The following TTC28 variants were observed in gnomAD, a reference collection of about 807,000 sequenced individuals.
The protein encoded by TTC28 is tetratricopeptide repeat protein 28.
TTC28 carries 61 observed loss-of-function variants against 198.0 expected under a neutral mutation model. The observed-to-expected ratio is 0.31, with a 90% CI of 0.25 to 0.38. TTC28 has a LOEUF of 0.38. Ranked by LOEUF, TTC28 falls within the 10% of genes least tolerant of loss-of-function variation. The probability of loss-of-function intolerance (pLI) is 1.00; values close to 1 mark genes in which losing one functional copy is unlikely to be tolerated. For missense variants in TTC28, 2,678 were observed against 3,164.0 expected, an observed-to-expected ratio of 0.85 and a Z score of 3.69; for synonymous variants, 1,171 against 1,297.8, an observed-to-expected ratio of 0.90 and a Z score of 2.10.
chr22:28,293,616 T>C (rs1338510872), intron 5 of TTC28, among the ~76,000 whole-genome samples: 1 of 152,088 alleles, frequency 6.6e-6, no homozygotes, highest in East Asian at 1.9e-4. Flanking sequence ...AGATTAGATA[T>C]GAAATGTTCC....
intron 2 of TTC28, among the ~76,000 whole-genome samples, chr22:28,484,269 G>A (rs1299704727): frequency 1.3e-5 from 2 of 151,980 alleles, no homozygotes; most frequent in Non-Finnish European, 2.9e-5. Flanking sequence ...TACCATGCCA[G>A]GCTAATTTTT....
At position 28,091,664 on chromosome 22, in the gene TTC28, G is replaced by A. The variant is rs192072611; in HGVS notation, c.3932+2416C>T. 3.8e-4 allele frequency among the ~76,000 whole-genome samples: 58 copies of A among 152,198 alleles called. 2 individuals carry two copies. The East Asian group carries it at 9.7e-3, about 25-fold the overall frequency. The stretch of plus-strand genomic sequence containing the variant: ...ACCCCATGGTGGACATGGGGTCACC[G>A]TGCTCTCTTAGATCCCTGCTGTCCC... On this transcript the variant is annotated intron_variant, in intron 12 of 22. Transcript: ENST00000397906.
intron 2 of TTC28, among the ~76,000 whole-genome samples, chr22:28,615,990 GA>G (rs1209290460): frequency 6.6e-6 from 1 of 152,048 alleles, no homozygotes; most frequent in Non-Finnish European, 1.5e-5. Flanking sequence ...TTGAATTAGA[GA>G]AAAAAATCAG....
chr22:28,190,941 A>G (rs536923157), intron 5 of TTC28, among the ~76,000 whole-genome samples: 1 of 152,196 alleles, frequency 6.6e-6, no homozygotes, highest in African/African-American at 2.4e-5. Flanking sequence ...TTCCTAAACT[A>G]TAGCTCTGAC....
intron 14 of TTC28, among the ~76,000 whole-genome samples, chr22:28,004,747 A>G (rs966765213): frequency 1.3e-5 from 2 of 152,238 alleles, no homozygotes; most frequent in African/African-American, 4.8e-5. Flanking sequence ...AATGCCCAGG[A>G]AACTTGTCAG....
intron 2 of TTC28, among the ~76,000 whole-genome samples, chr22:28,541,021 A>G (rs1321359226): frequency 6.6e-6 from 1 of 152,170 alleles, no homozygotes; most frequent in Non-Finnish European, 1.5e-5. Context: ...CTTTTACTCA[A>G]AACAGATCTG....
chr22:28,476,818 G>A (rs2048174756), intron 2 of TTC28, among the ~76,000 whole-genome samples: 1 of 152,058 alleles, frequency 6.6e-6, no homozygotes, highest in Non-Finnish European at 1.5e-5. Flanking sequence ...AAACAGACTT[G>A]TATATGAATG....
chr22:28,527,983 CTT>C (rs2049042394), intron 2 of TTC28, among the ~76,000 whole-genome samples: 1 of 152,154 alleles, frequency 6.6e-6, no homozygotes, highest in Non-Finnish European at 1.5e-5. Flanking sequence ...GCTCAGGTCT[CTT>C]TTCCTCTTCT....
chr22:28,293,624 TC>T (rs539220831), intron 5 of TTC28, among the ~76,000 whole-genome samples: 115 of 151,890 alleles, frequency 7.6e-4, no homozygotes, highest in African/African-American at 2.2e-3. Context: ...TATGAAATGT[TC>T]CCCCCCTCCA....
At chr22:28,201,154 T>C (rs564131372) in intron 5 of TTC28, among the ~76,000 whole-genome samples, 59 of 152,180 alleles carry the variant, frequency 3.9e-4, no homozygotes, top group Admixed American at 1.4e-3. Flanking sequence ...GAGAAAAGTA[T>C]AGGAGAAGGA....
At chr22:28,046,317 G>T (rs1197672021) in intron 12 of TTC28, among the ~76,000 whole-genome samples, 1 of 152,210 alleles carries the variant, frequency 6.6e-6, no homozygotes, top group African/African-American at 2.4e-5. Flanking sequence ...AGAGAGTGCA[G>T]GTGCACAAAC....
intron 2 of TTC28, among the ~76,000 whole-genome samples, chr22:28,436,659 T>G (rs1293073570): frequency 1.3e-5 from 2 of 152,242 alleles, no homozygotes; most frequent in Admixed American, 1.3e-4. Flanking sequence ...ACTTTTTATA[T>G]GCAAGGAACT....
At chr22:28,478,353 A>G (rs1459674052) in intron 2 of TTC28, among the ~76,000 whole-genome samples, 1 of 152,104 alleles carries the variant, frequency 6.6e-6, no homozygotes, top group Non-Finnish European at 1.5e-5. Flanking sequence ...ACTAAAAAAT[A>G]CAAAAATTAG....
intron 2 of TTC28, among the ~76,000 whole-genome samples, chr22:28,352,041 G>A (rs984057195): frequency 6.6e-6 from 1 of 151,970 alleles, no homozygotes; most frequent in Non-Finnish European, 1.5e-5. Flanking sequence ...CTCTAATTCA[G>A]TTCACTTTAA....
At chr22:28,140,648 C>T (rs1943309410) in intron 6 of TTC28, among the ~76,000 whole-genome samples, 1 of 152,206 alleles carries the variant, frequency 6.6e-6, no homozygotes, top group South Asian at 2.1e-4. Flanking sequence ...GTTAGGCTAT[C>T]CACGGGCCTG....
chr22:28,008,230 C>T (rs911304517), intron 14 of TTC28: 58 of 152,176 alleles, frequency 3.8e-4, no homozygotes, highest in African/African-American at 1.4e-3. Flanking sequence ...GAGTCCTTTC[C>T]CCCAGGGCAG....
At position 28,034,999 on chromosome 22, in the gene TTC28, G is replaced by C. The variant is rs937271467; in HGVS notation, c.3933-4633C>G. Among the ~76,000 whole-genome samples the C allele has an allele frequency of 2.0e-5, 3 of 152,188 alleles. No individual in the cohort carries two copies. The South Asian group carries it at 6.2e-4, about 32-fold the overall frequency. ...TTGGAGCTGTGCCAGAGCTCATCCTGTTCTTGGGGACAGGGCTTGGCAAGA... is the reference window on the plus strand; with the variant it reads ...TTGGAGCTGTGCCAGAGCTCATCCTCTTCTTGGGGACAGGGCTTGGCAAGA... On this transcript the variant is annotated intron_variant, in intron 12 of 22. Transcript: ENST00000397906.
intron 2 of TTC28, among the ~76,000 whole-genome samples, chr22:28,539,080 G>A (rs2049357154): frequency 6.6e-6 from 1 of 152,168 alleles, no homozygotes; most frequent in Non-Finnish European, 1.5e-5. Context: ...GACAGGCCCA[G>A]ACTTCAGTCC....
chr22:28,109,919 A>G (rs1199358548), intron 6 of TTC28, among the ~76,000 whole-genome samples: 1 of 152,254 alleles, frequency 6.6e-6, no homozygotes, highest in Admixed American at 6.5e-5. Context: ...ATGCTCTGAG[A>G]AAGAAAGCTG....
Sources: gnomAD v4.1 joint callset for allele counts (sites outside exome capture counted in the v4.1 genomes callset) on GRCh38, gnomAD v4.1.1 for gene constraint, MANE v1.5 for transcripts, NCBI Gene and HGNC (gene_info 2026-07-23, HGNC 2026-07-21) for gene names.